The following KIAA1217 variants were observed in gnomAD, a reference collection of about 807,000 sequenced individuals.
The protein encoded by KIAA1217 is KIAA1217, also known as sickle tail protein homolog.
A neutral mutation model predicts 163.9 loss-of-function variants in KIAA1217; 88 were observed. The observed-to-expected ratio is 0.54, with a 90% CI of 0.45 to 0.64. The LOEUF is 0.64. Among genes scored for constraint, KIAA1217 ranks in the 30% least tolerant of loss-of-function variants. KIAA1217 has a pLI of 0.00. For missense variants in KIAA1217, 2,372 were observed against 2,475.0 expected, an observed-to-expected ratio of 0.96 and a Z score of 0.88; for synonymous variants, 903 against 923.1, an observed-to-expected ratio of 0.98 and a Z score of 0.39.
chr10:24,108,273 C>T (rs572962234), intron 2 of KIAA1217, among the ~76,000 whole-genome samples: 11 of 152,266 alleles, frequency 7.2e-5, no homozygotes, highest in Admixed American at 5.2e-4. Flanking sequence ...TACTTCACAG[C>T]CAAAAATATT....
intron 2 of KIAA1217, among the ~76,000 whole-genome samples, chr10:24,153,657 C>T (rs753448257): frequency 6.6e-6 from 1 of 152,176 alleles, no homozygotes; most frequent in Non-Finnish European, 1.5e-5. Context: ...TATCTCTTTG[C>T]TAGATCACTG....
At chr10:24,346,243 A>T (rs1200007460) in intron 2 of KIAA1217, among the ~76,000 whole-genome samples, 2 of 152,098 alleles carry the variant, frequency 1.3e-5, no homozygotes, top group Admixed American at 1.3e-4. Flanking sequence ...GTGTGGGCGG[A>T]TCACCAGGTC....
intron 2 of KIAA1217, among the ~76,000 whole-genome samples, chr10:24,076,225 T>G (rs564124200): frequency 1.3e-5 from 2 of 152,320 alleles, no homozygotes; most frequent in African/African-American, 4.8e-5. Context: ...CTGCTGGCTA[T>G]TCTAAAGATT....
intron 1 of KIAA1217, among the ~76,000 whole-genome samples, chr10:23,831,697 C>G (rs963950431): frequency 6.6e-6 from 1 of 152,052 alleles, no homozygotes; most frequent in African/African-American, 2.4e-5. Context: ...TCTTGATCTC[C>G]CATTTCTGGT....
At chr10:24,158,235 G>A (rs527430052) in intron 2 of KIAA1217, 21 of 728,662 alleles carry the variant, frequency 2.9e-5, no homozygotes, top group African/African-American at 1.4e-4. Context: ...GGCAAAGTAC[G>A]TTTAGTCCAG....
rs199703693 is a variant in KIAA1217, at chr10:24,542,874, C to T, written c.3613-9C>T. 1 of 1,609,586 alleles carries T rather than the reference C, an allele frequency of 6.2e-7. No homozygotes were observed. Among genetic ancestry groups the T allele is most frequent in the Non-Finnish European group, 8.5e-7 (1 of 1,177,350 alleles). On this transcript the variant is annotated splice_polypyrimidine_tract_variant and intron_variant, in intron 18 of 20. Transcript: ENST00000376454. ...GTGTGTGGTTTCCCTCCTCCGTTCT[C>T]CCTCTCAGGTTACCACAGGGGCTGT...
intron 1 of KIAA1217, among the ~76,000 whole-genome samples, chr10:23,963,980 G>A (rs576303054): frequency 6.7e-5 from 10 of 149,230 alleles, no homozygotes; most frequent in African/African-American, 2.2e-4. Context: ...TGCAACCTCC[G>A]CCACCCAGGT....
At chr10:24,196,029 G>A (rs1232490143) in intron 2 of KIAA1217, among the ~76,000 whole-genome samples, 1 of 152,018 alleles carries the variant, frequency 6.6e-6, no homozygotes, top group Non-Finnish European at 1.5e-5. Context: ...CAGCTAGTGG[G>A]AGGCTGAGGC....
At chr10:24,023,923 G>A (rs967795915) in intron 2 of KIAA1217, among the ~76,000 whole-genome samples, 11 of 151,474 alleles carry the variant, frequency 7.3e-5, no homozygotes, top group Non-Finnish European at 7.4e-5. Flanking sequence ...ATTAATCTCT[G>A]TTGATGGAGA....
chr10:23,718,515 A>AATTGCAT (rs1837692580), intron 1 of KIAA1217, among the ~76,000 whole-genome samples: 1 of 152,152 alleles, frequency 6.6e-6, no homozygotes, highest in African/African-American at 2.4e-5. Flanking sequence ...ACAGTTTTAA[A>AATTGCAT]ATTGCATAAT....
intron 2 of KIAA1217, among the ~76,000 whole-genome samples, chr10:24,365,645 G>C (rs1318450986): frequency 1.3e-5 from 2 of 151,962 alleles, no homozygotes; most frequent in East Asian, 3.9e-4. Flanking sequence ...TTAGCTAATT[G>C]TTTTTCTAAT....
intron 17 of KIAA1217, among the ~76,000 whole-genome samples, chr10:24,537,113 C>A (rs1024364142): frequency 3.3e-5 from 5 of 152,116 alleles, no homozygotes; most frequent in African/African-American, 9.7e-5. Flanking sequence ...ATAGTATATG[C>A]AGAATTTAGA....
intron 1 of KIAA1217, among the ~76,000 whole-genome samples, chr10:23,703,674 G>A (rs1338883108): frequency 6.6e-6 from 1 of 151,926 alleles, no homozygotes; most frequent in Non-Finnish European, 1.5e-5. Flanking sequence ...CTGTTTTCAC[G>A]GCTAACAATG....
chr10:24,208,343 G>T (rs2067681817), upstream of KIAA1217, among the ~76,000 whole-genome samples: 1 of 150,798 alleles, frequency 6.6e-6, no homozygotes, highest in African/African-American at 2.4e-5. Context: ...GACTTTACTA[G>T]TTTACCTTTC....
chr10:24,283,538 A>G (rs2132273522), intron 2 of KIAA1217, among the ~76,000 whole-genome samples: 3 of 152,210 alleles, frequency 2.0e-5, no homozygotes, highest in Middle Eastern at 6.8e-3. Context: ...GTGGTGGTGT[A>G]TGCCTGTAGT....
chr10:24,094,817 T>C (rs2131696993), intron 2 of KIAA1217, among the ~76,000 whole-genome samples: 1 of 152,324 alleles, frequency 6.6e-6, no homozygotes, highest in Non-Finnish European at 1.5e-5. Flanking sequence ...TTTTTGTTTG[T>C]CTGTGCCCTG....
chr10:24,447,587 G>A (rs951727091), intron 5 of KIAA1217, among the ~76,000 whole-genome samples: 1 of 152,056 alleles, frequency 6.6e-6, no homozygotes, highest in South Asian at 2.1e-4. Context: ...TGGCTCTCTC[G>A]GACAATGCCC....
At chr10:24,496,820 C>G (rs1263121117) in intron 8 of KIAA1217, among the ~76,000 whole-genome samples, 1 of 152,170 alleles carries the variant, frequency 6.6e-6, no homozygotes, top group African/African-American at 2.4e-5. Context: ...TCTAAAAACT[C>G]TTGTCAATTT....
chr10:23,824,658 A>AAAAAAAAAAAAAAAAAATAT (rs1837805755), intron 1 of KIAA1217, among the ~76,000 whole-genome samples: 1 of 53,040 alleles, frequency 1.9e-5, no homozygotes, highest in Non-Finnish European at 3.6e-5. Flanking sequence ...AAATAAAAAA[A>AAAAAAAAAAAAAAAAAATAT]ATATATATAT....
Sources: allele counts gnomAD v4.1 joint callset (sites outside exome capture counted in the v4.1 genomes callset), GRCh38; gene constraint gnomAD v4.1.1; transcripts MANE v1.5; gene names NCBI Gene and HGNC (gene_info 2026-07-23, HGNC 2026-07-21).